The following MRTFB variants were observed in gnomAD, a reference collection of about 807,000 sequenced individuals.
MRTFB encodes myocardin related transcription factor B.
Under a neutral mutation model 104.2 loss-of-function variants are expected in MRTFB, and 29 were observed. That is an observed-to-expected ratio of 0.28 (90% CI 0.21 to 0.38). The LOEUF is 0.38. MRTFB is among the 10% of genes least tolerant of loss of function. MRTFB has a pLI of 1.00. For synonymous variants in MRTFB, 535 were observed against 519.5 expected (o/e 1.03, Z -0.41); for missense variants, 1,270 against 1,341.6 (o/e 0.95, Z 0.83).
intron 3 of MRTFB, among the ~76,000 whole-genome samples, chr16:14,167,869 A>G (rs2039297201): frequency 6.6e-6 from 1 of 152,052 alleles, no homozygotes; most frequent in African/African-American, 2.4e-5. Flanking sequence ...TTGTATTTTT[A>G]GTAGAGATGG....
intron 2 of MRTFB, among the ~76,000 whole-genome samples, chr16:14,129,014 GA>G (rs1018820293): frequency 1.3e-5 from 2 of 152,196 alleles, no homozygotes; most frequent in Non-Finnish European, 2.9e-5. Context: ...TCCAAGTATT[GA>G]AGCCCTTTGA....
chr16:14,162,409 A>G (rs915353794), intron 3 of MRTFB, among the ~76,000 whole-genome samples: 1 of 152,090 alleles, frequency 6.6e-6, no homozygotes, highest in African/African-American at 2.4e-5. Flanking sequence ...ACTGTCAGCA[A>G]TTCTATATGG....
the MRTFB span, among the ~76,000 whole-genome samples, chr16:14,029,419 AATATATATAT>A: frequency 4.5e-5 from 4 of 88,904 alleles, no homozygotes; most frequent in South Asian, 1.6e-3. Context: ...AAAAAAAAAA[AATATATATAT>A]ATATATATAT....
rs1206640555 is a variant in MRTFB, at chr16:14,124,062, CTCTG to C, written c.-63-16476_-63-16473del. ...ATGGGAGTTCACTCATGATTTGGCTCTCTGTCTGTTATTGGTGTATAAGAATACT... is the reference window on the plus strand; with the variant it reads ...ATGGGAGTTCACTCATGATTTGGCTCTCTGTTATTGGTGTATAAGAATACT... On this transcript the variant is annotated intron_variant, in intron 2 of 16. Transcript: ENST00000571589. Among the ~76,000 whole-genome samples the C allele has an allele frequency of 7.9e-5, 12 of 152,116 alleles. No individual in the cohort carries two copies. In the East Asian group the frequency reaches 1.9e-3, roughly 24 times the overall value.
rs962873496 is a variant in MRTFB at position 14,198,218 on chromosome 16, T to G, written c.155-12025T>G. On this transcript the variant is annotated intron_variant, in intron 3 of 16. Coordinates refer to ENST00000571589, the MANE Select transcript of MRTFB (RefSeq NM_001308142.2). ...GTATGGATATGCCACAATTTGTTTA[T>G]CCATTCATCTGTTGATGACATTTGG... is the stretch of plus-strand genomic sequence containing the variant. Among the ~76,000 whole-genome samples, 3 of 152,262 alleles carry G rather than the reference T, an allele frequency of 2.0e-5. No individual in the cohort carries two copies. In the East Asian group the frequency reaches 5.8e-4, roughly 29 times the overall value.
At chr16:14,235,452 G>T (rs76718437) in intron 9 of MRTFB, among the ~76,000 whole-genome samples, 8,558 of 152,194 alleles carry the variant, frequency 0.056, 750 homozygotes, top group African/African-American at 0.19. Flanking sequence ...CTTCCCTGCC[G>T]ATCCTCAAAC....
intron 2 of MRTFB, among the ~76,000 whole-genome samples, chr16:14,121,617 A>G (rs931962368): frequency 7.9e-5 from 12 of 152,224 alleles, no homozygotes; most frequent in African/African-American, 2.9e-4. Flanking sequence ...AAAGAGTTGC[A>G]GAATGAGGGG....
In MRTFB at chr16:14,089,640, C is replaced by T. The variant is rs544386637; in HGVS notation, c.-64+10286C>T. On this transcript the variant is annotated intron_variant, in intron 2 of 16. Coordinates refer to ENST00000571589, the MANE Select transcript of MRTFB (RefSeq NM_001308142.2). ...CAGGTTTTCATTTCTTTTGGGTATA[C>T]ACCTAGGAGTGGAATTGCTGGGTTA... Among the ~76,000 whole-genome samples, 512 of 152,218 alleles carry T rather than the reference C, an allele frequency of 3.4e-3. 3 individuals carry two copies. Among genetic ancestry groups the T allele is most frequent in the African/African-American group, 0.012 (482 of 41,514 alleles).
At chr16:14,112,111 G>A (rs559168505) in intron 2 of MRTFB, among the ~76,000 whole-genome samples, 31 of 151,390 alleles carry the variant, frequency 2.0e-4, no homozygotes, top group African/African-American at 5.8e-4. Flanking sequence ...AAGCTCTGCC[G>A]AACAGGTATA....
At chr16:14,195,616 G>T in intron 3 of MRTFB, 1 of 954,070 alleles carries the variant, frequency 1.0e-6, no homozygotes, top group Non-Finnish European at 1.2e-6. Flanking sequence ...ATATTCCACT[G>T]TTTCCTGTTT....
intron 3 of MRTFB, chr16:14,186,802 T>C: frequency 4.5e-6 from 7 of 1,562,444 alleles, no homozygotes; most frequent in Non-Finnish European, 6.0e-6. Flanking sequence ...TGGGGTATTG[T>C]GGGGAGCAAC....
At chr16:14,099,731 G>C (rs1288844181) in intron 2 of MRTFB, among the ~76,000 whole-genome samples, 1 of 148,014 alleles carries the variant, frequency 6.8e-6, no homozygotes, top group East Asian at 2.0e-4. Context: ...GCAGTGGCAC[G>C]ATCTCGGCTC....
chr16:14,021,346 T>C, the MRTFB span, among the ~76,000 whole-genome samples: 138,022 of 152,290 alleles, frequency 0.91, 62,764 homozygotes, highest in Non-Finnish European at 0.94. Context: ...CATTCTTTCT[T>C]ATGCTTCCCA....
intron 4 of MRTFB, among the ~76,000 whole-genome samples, chr16:14,211,362 C>T (rs545505434): frequency 3.8e-4 from 58 of 152,300 alleles, no homozygotes; most frequent in African/African-American, 1.4e-3. Context: ...CTCTAATCTG[C>T]TTTCGGGTGC....
intron 13 of MRTFB, among the ~76,000 whole-genome samples, chr16:14,249,845 A>T (rs1241418828): frequency 6.6e-6 from 1 of 152,216 alleles, no homozygotes; most frequent in Non-Finnish European, 1.5e-5. Flanking sequence ...AACCCAGGTA[A>T]TGAGTTGTGC....
At chr16:14,134,002 G>A (rs1272441829) in intron 2 of MRTFB, among the ~76,000 whole-genome samples, 1 of 151,854 alleles carries the variant, frequency 6.6e-6, no homozygotes, top group Non-Finnish European at 1.5e-5. Flanking sequence ...ACTTTTGCTA[G>A]TTCAAATTTT....
At chr16:14,209,030 A>T (rs1053864051) in intron 3 of MRTFB, among the ~76,000 whole-genome samples, 3 of 152,224 alleles carry the variant, frequency 2.0e-5, no homozygotes, top group African/African-American at 7.2e-5. Context: ...TCAAACAATG[A>T]TAAAATATTT....
chr16:14,172,306 A>G (rs1209544756), intron 3 of MRTFB, among the ~76,000 whole-genome samples: 2 of 152,016 alleles, frequency 1.3e-5, no homozygotes, highest in Non-Finnish European at 2.9e-5. Context: ...CTATTTTGCA[A>G]TTTGCTTTTT....
At chr16:14,220,216 TATTTGCTGCACCCTGG>T (rs2041625281) in intron 8 of MRTFB, among the ~76,000 whole-genome samples, 1 of 152,214 alleles carries the variant, frequency 6.6e-6, no homozygotes, top group South Asian at 2.1e-4. Flanking sequence ...TGTTCTCACA[TATTTGCTGCACCCTGG>T]TTTTGAGCTT....
Sources: allele counts gnomAD v4.1 joint callset (sites outside exome capture counted in the v4.1 genomes callset), GRCh38; gene constraint gnomAD v4.1.1; transcripts MANE v1.5; gene names NCBI Gene and HGNC (gene_info 2026-07-23, HGNC 2026-07-21).